TPR: variants seen among roughly 807,000 people sequenced by gnomAD.
The protein encoded by TPR is translocated promoter region, nuclear basket protein, also known as nucleoprotein TPR.
TPR carries 51 observed loss-of-function variants against 316.1 expected under a neutral mutation model. That is an observed-to-expected ratio of 0.16 (90% confidence interval 0.13 to 0.20). TPR has a LOEUF of 0.20. TPR is among the 10% of genes least tolerant of loss of function. TPR has a pLI of 1.00. For synonymous variants in TPR, 981 were observed against 914.7 expected, an observed-to-expected ratio of 1.07 and a Z score of -1.31; for missense variants, 2,272 against 2,754.8, an observed-to-expected ratio of 0.82 and a Z score of 3.92.
chr1:186,322,746 T>G lies in TPR; in HGVS notation c.6298-160A>C, dbSNP rs534337148. The G allele has an allele frequency of 1.9e-4, 126 of 662,014 alleles. No individual in the cohort carries two copies. The East Asian group carries it at 3.3e-3, about 17-fold the overall frequency. 41.0% of individuals were successfully genotyped at this position (662,014 alleles called of 1,614,324 possible). A position where few individuals can be genotyped will look rare whatever the true frequency, so the allele number is the denominator to read the frequency against. On this transcript the variant is annotated intron_variant, in intron 43 of 50. Coordinates refer to ENST00000367478, the MANE Select transcript of TPR (RefSeq NM_003292.3). ...GGAAAACCTGCCAAGAAATCACTTT[T>G]GTCAATGACAAATTTTTAATTATAG... is the stretch of plus-strand genomic sequence containing the variant.
Position 186,312,716 on chromosome 1 carries a change from GATAGT to G in TPR, c.*1250_*1254del, listed in dbSNP as rs1187396770. On this transcript the variant is annotated 3_prime_UTR_variant, in exon 51 of 51. Transcript: ENST00000367478. ...AACTCAGATGTCTGGCTCTTTCCAA[GATAGT>G]ACATTGCCTTTTAATCTGGTATCTT... The G allele has an allele frequency of 7.1e-5, 113 of 1,582,284 alleles. No individual in the cohort carries two copies. The highest frequency in any genetic ancestry group is 9.5e-5 in the Non-Finnish European group (109 of 1,151,832).
intron 3 of TPR, among the ~76,000 whole-genome samples, chr1:186,370,031 C>T (rs1244248409): frequency 2.6e-5 from 4 of 152,026 alleles, no homozygotes; most frequent in East Asian, 1.9e-4. Context: ...TAAGAACCTC[C>T]GTATTGGGTT....
At chr1:186,362,195 G>T in intron 7 of TPR, 93 bp downstream of exon 7, 1 of 1,058,090 alleles carries the variant, frequency 9.5e-7, no homozygotes, top group Non-Finnish European at 1.4e-6. Flanking sequence ...ATGGGGCCAA[G>T]GACAGATTAA....
intron 25 of TPR, 64 bp from the exon 26 acceptor site, chr1:186,344,154 G>A (rs1658605135): frequency 2.6e-6 from 4 of 1,534,824 alleles, no homozygotes; most frequent in Non-Finnish European, 2.6e-6. Context: ...AAACAACTTG[G>A]CCAGGCGCGG....
At chr1:186,332,022 T>C (rs572426009) in intron 38 of TPR, among the ~76,000 whole-genome samples, 173 bp downstream of exon 38, 15 of 152,290 alleles carry the variant, frequency 9.8e-5, no homozygotes, top group Admixed American at 3.9e-4. Flanking sequence ...TATAAAACAC[T>C]GTTGGTAATA....
At chr1:186,322,446 C>T (rs779374641) in intron 44 of TPR, 34 bp from the exon 45 acceptor site, 2 of 1,611,656 alleles carry the variant, frequency 1.2e-6, no homozygotes, top group Admixed American at 3.4e-5. Context: ...ACAAACAAAA[C>T]ACCACACATA....
intron 4 of TPR, among the ~76,000 whole-genome samples, chr1:186,365,194 C>G (rs757857209): frequency 2.6e-4 from 39 of 150,736 alleles, no homozygotes; most frequent in Non-Finnish European, 3.8e-4. Context: ...CTCCCTGGTT[C>G]ATGTGATTCT....
intron 42 of TPR, among the ~76,000 whole-genome samples, chr1:186,324,922 A>C (rs1657874439): frequency 1.3e-5 from 2 of 152,288 alleles, no homozygotes; most frequent in Admixed American, 1.3e-4. Flanking sequence ...AATTGTTTAT[A>C]AATGTAAATT....
At chr1:186,350,474 C>T (rs1483977279) in intron 20 of TPR, 86 bp from the exon 21 acceptor site, 114 of 1,024,322 alleles carry the variant, frequency 1.1e-4, no homozygotes, top group Non-Finnish European at 6.9e-5. Context: ...CTTTGGAGCT[C>T]GGCCAAGAGA....
intron 19 of TPR, 90 bp from the exon 20 acceptor site, chr1:186,351,560 C>T: frequency 7.3e-7 from 1 of 1,363,718 alleles, no homozygotes; most frequent in South Asian, 1.8e-5. Flanking sequence ...TACAATATTA[C>T]AACCCATTTC....
intron 9 of TPR, 142 bp from the exon 10 acceptor site, chr1:186,361,047 G>T: frequency 1.1e-6 from 1 of 873,758 alleles, no homozygotes; most frequent in Non-Finnish European, 1.7e-6. Flanking sequence ...TCTATTGAAA[G>T]TTCTTGCTCT....
intron 4 of TPR, among the ~76,000 whole-genome samples, chr1:186,367,108 C>T (rs1330925760): frequency 2.0e-5 from 3 of 146,572 alleles, no homozygotes; most frequent in African/African-American, 7.6e-5. Flanking sequence ...GCTCTGTCGC[C>T]CAGGCTGGAG....
At chr1:186,322,136 T>C (rs1351772593) in intron 45 of TPR, among the ~76,000 whole-genome samples, 182 bp downstream of exon 45, 1 of 152,222 alleles carries the variant, frequency 6.6e-6, no homozygotes, top group African/African-American at 2.4e-5. Context: ...TAACTGTATG[T>C]CATTCACCTC....
chr1:186,356,433 G>C lies in TPR; in HGVS notation c.1741C>G (p.Leu581Val), dbSNP rs1659030995. The change falls in exon 15 of 51, where the codon CTC (leucine) becomes GTC (valine). Residue 581 changes from leucine (L) to valine (V), a missense_variant. Transcript: ENST00000367478. ...TCAGTAAGGGCACTCTCAAGTTTGA[G>C]CTGAAGCTCAGTGATTCTGTAGAAA... is the stretch of plus-strand genomic sequence containing the variant. ...TTSSKITELQ[L>V]KLESALTELE... The C allele has an allele frequency of 6.2e-7, 1 of 1,609,348 alleles. No individual in the cohort carries two copies. The highest frequency in any genetic ancestry group is 1.3e-5 in the African/African-American group (1 of 74,882).
chr1:186,355,581 A>C, intron 16 of TPR, 23 bp from the exon 17 acceptor site: 1 of 1,612,744 alleles, frequency 6.2e-7, no homozygotes, highest in Non-Finnish European at 8.5e-7. Context: ...GATTATGAGA[A>C]GGTAACACTG....
In TPR at chr1:186,312,373, G is replaced by A. The variant is rs1188019540; in HGVS notation, c.*1598C>T. 1 of 1,604,100 alleles carries A rather than the reference G, an allele frequency of 6.2e-7. No individual in the cohort carries two copies. Among genetic ancestry groups the A allele is most frequent in the Non-Finnish European group, 8.5e-7 (1 of 1,176,362 alleles). ...GCCAGACTGGCTTATCAAGACAAAGGTAACATTTTTATTGTGTTAAAAAAA... is the reference window on the plus strand; with the variant it reads ...GCCAGACTGGCTTATCAAGACAAAGATAACATTTTTATTGTGTTAAAAAAA... On this transcript the variant is annotated 3_prime_UTR_variant, in exon 51 of 51. Transcript: ENST00000367478.
At chr1:186,315,324 T>A (rs1657577817) in intron 49 of TPR, among the ~76,000 whole-genome samples, 1 of 151,662 alleles carries the variant, frequency 6.6e-6, no homozygotes. Context: ...TACCCATGTA[T>A]CAAACATACT....
At chr1:186,323,456 A>T (rs1332062152) in intron 43 of TPR, among the ~76,000 whole-genome samples, 1 of 152,196 alleles carries the variant, frequency 6.6e-6, no homozygotes, top group Non-Finnish European at 1.5e-5. Flanking sequence ...TGCTATGACT[A>T]TAACCATTTC....
Position 186,358,632 on chromosome 1 carries a change from C to G in TPR, c.1408G>C (p.Glu470Gln). ...TGCTTGTTGGCTTTATCAGTGTCCTCCTGCAATCGCTGAATCTCCTTTAAA... is the reference window on the plus strand; with the variant it reads ...TGCTTGTTGGCTTTATCAGTGTCCTGCTGCAATCGCTGAATCTCCTTTAAA... ...QAMKEIQRLQ[E>Q]DTDKANKQSS... The change falls in exon 13 of 51, where the codon GAG becomes CAG. Residue 470 changes from glutamate to glutamine, a missense_variant. Glu to Gln is a conservative substitution (Grantham distance 29). This residue lies in a region of TPR where 549 missense variants were observed against 598.6 expected (regional missense o/e 0.92). Coordinates refer to ENST00000367478, the MANE Select transcript of TPR (RefSeq NM_003292.3). 6.2e-7 allele frequency: 1 copy of G among 1,611,734 alleles called. No homozygotes were observed. Among genetic ancestry groups the G allele is most frequent in the East Asian group, 2.2e-5 (1 of 44,740 alleles).
Sources: allele counts gnomAD v4.1 joint callset (sites outside exome capture counted in the v4.1 genomes callset), GRCh38; gene constraint gnomAD v4.1.1; regional missense constraint gnomAD v4.1.1; transcripts MANE v1.5; gene names NCBI Gene and HGNC (gene_info 2026-07-23, HGNC 2026-07-21).